The following RASAL2 variants were observed in gnomAD, a reference collection of about 807,000 sequenced individuals.
The protein encoded by RASAL2 is RAS protein activator like 2.
RASAL2 carries 58 observed loss-of-function variants against 128.9 expected under a neutral mutation model. The ratio of observed to expected loss-of-function variants is 0.45; its 90% CI spans 0.36 to 0.56. RASAL2 has a LOEUF of 0.56. RASAL2 is among the 20% of genes least tolerant of loss of function. RASAL2 has a pLI of 0.00. For synonymous variants in RASAL2, 561 were observed against 580.8 expected, an observed-to-expected ratio of 0.97 and a Z score of 0.49; for missense variants, 1,360 against 1,601.6, an observed-to-expected ratio of 0.85 and a Z score of 2.57.
chr1:178,455,987 G>A (rs778659335), intron 12 of RASAL2, among the ~76,000 whole-genome samples: 2 of 152,192 alleles, frequency 1.3e-5, no homozygotes, highest in Admixed American at 6.5e-5. Context: ...TCTTTTTAAC[G>A]GGCTTTGCTA....
At chr1:178,170,228 T>C (rs1661661006) in intron 1 of RASAL2, among the ~76,000 whole-genome samples, 1 of 151,878 alleles carries the variant, frequency 6.6e-6, no homozygotes, top group Admixed American at 6.6e-5. Context: ...ATTTGTGAAG[T>C]AGACAAAAAA....
chr1:178,246,318 T>C (rs1252570022), intron 1 of RASAL2, among the ~76,000 whole-genome samples: 1 of 152,194 alleles, frequency 6.6e-6, no homozygotes, highest in Non-Finnish European at 1.5e-5. Flanking sequence ...TATTTTACTT[T>C]CTTTGTAGCA....
At chr1:178,376,296 TACTG>T (rs1671985798) in intron 3 of RASAL2, among the ~76,000 whole-genome samples, 2 of 152,140 alleles carry the variant, frequency 1.3e-5, no homozygotes, top group Non-Finnish European at 2.9e-5. Context: ...GATTTTATAA[TACTG>T]AGAATGACAG....
At chr1:178,350,954 T>G (rs1016787685) in intron 3 of RASAL2, among the ~76,000 whole-genome samples, 1 of 152,200 alleles carries the variant, frequency 6.6e-6, no homozygotes, top group Non-Finnish European at 1.5e-5. Context: ...AAGCATGGCA[T>G]CATCTGCTTC....
At chr1:178,102,393 T>C (rs1658935245) in intron 1 of RASAL2, among the ~76,000 whole-genome samples, 1 of 152,028 alleles carries the variant, frequency 6.6e-6, no homozygotes, top group Non-Finnish European at 1.5e-5. Context: ...CAATCATAGC[T>C]CATGCCCAGG....
At chr1:178,188,974 C>T (rs1662400731) in intron 1 of RASAL2, among the ~76,000 whole-genome samples, 2 of 151,944 alleles carry the variant, frequency 1.3e-5, no homozygotes, top group Admixed American at 1.3e-4. Context: ...AAATTGAGAC[C>T]CATATGGTAG....
chr1:178,146,629 T>C (rs1660739473), intron 1 of RASAL2, among the ~76,000 whole-genome samples: 1 of 152,238 alleles, frequency 6.6e-6, no homozygotes, highest in Non-Finnish European at 1.5e-5. Context: ...TATGCAGCTT[T>C]TATAATGGTG....
rs1000698298 is a variant in RASAL2, at chr1:178,435,844, A to G, written c.675-3578A>G. 3.9e-5 allele frequency among the ~76,000 whole-genome samples: 6 copies of G among 152,052 alleles called. No homozygotes were observed. The East Asian group carries it at 5.8e-4, about 15-fold the overall frequency. On this transcript the variant is annotated intron_variant, in intron 5 of 17. Transcript: ENST00000367649. ...AAGTAGTCAGGGAGAGAACCTGGCC[A>G]GTAGTCAAGGGATTCACAAAGTCCA...
At chr1:178,446,491 C>T (rs1677008155) in intron 9 of RASAL2, among the ~76,000 whole-genome samples, 1 of 152,028 alleles carries the variant, frequency 6.6e-6, no homozygotes, top group East Asian at 1.9e-4. Flanking sequence ...CCAGTATATC[C>T]AAATACTATT....
chr1:178,290,106 T>A (rs556675339), intron 2 of RASAL2, among the ~76,000 whole-genome samples: 1 of 152,358 alleles, frequency 6.6e-6, no homozygotes, highest in Non-Finnish European at 1.5e-5. Context: ...ATATAATTTA[T>A]TTATTATGTT....
At chr1:178,300,914 A>C (rs548144297) in intron 3 of RASAL2, among the ~76,000 whole-genome samples, 30 of 152,320 alleles carry the variant, frequency 2.0e-4, no homozygotes, top group South Asian at 1.5e-3. Context: ...TGCTTAGTGA[A>C]CCATAGACTT....
At position 178,293,676 on chromosome 1, in the gene RASAL2, G is replaced by T. The variant is rs528834306; in HGVS notation, c.331-6316G>T. ...TATGCTTTTTCCTTTGCCTAAAATGGCCCCCATCTCTACCTATCATTCACT... is the reference window on the plus strand; with the variant it reads ...TATGCTTTTTCCTTTGCCTAAAATGTCCCCCATCTCTACCTATCATTCACT... On this transcript the variant is annotated intron_variant, in intron 2 of 17. Coordinates refer to ENST00000367649, the MANE Select transcript of RASAL2 (RefSeq NM_170692.4). Among the ~76,000 whole-genome samples the T allele has an allele frequency of 2.0e-3, 303 of 152,268 alleles. 2 individuals carry two copies. The highest frequency in any genetic ancestry group is 3.4e-3 in the Middle Eastern group (1 of 294).
At position 178,248,141 on chromosome 1, in the gene RASAL2, G is replaced by A. The variant is rs144846574; in HGVS notation, c.203-35423G>A. 7.1e-3 allele frequency among the ~76,000 whole-genome samples: 1,079 copies of A among 152,206 alleles called. 14 individuals carry two copies. Among genetic ancestry groups the A allele is most frequent in the African/African-American group, 0.024 (1,017 of 41,540 alleles). ...AATATCCTTGTTAATTTTCTGTCTC[G>A]TTGATCTGCTTAATATTGACAGTGG... On this transcript the variant is annotated intron_variant, in intron 1 of 17. Transcript: ENST00000367649.
intron 4 of RASAL2, among the ~76,000 whole-genome samples, chr1:178,401,696 AG>A (rs1383719187): frequency 1.3e-5 from 2 of 152,188 alleles, no homozygotes; most frequent in Non-Finnish European, 2.9e-5. Flanking sequence ...GTAAATGGGG[AG>A]AAAAGACAAT....
chr1:178,271,513 A>T (rs925892068), intron 1 of RASAL2, among the ~76,000 whole-genome samples: 5 of 152,146 alleles, frequency 3.3e-5, no homozygotes, highest in Non-Finnish European at 7.4e-5. Flanking sequence ...GAGCTCTTGG[A>T]GCAATTCCAG....
chr1:178,144,238 C>T (rs1242547933), intron 1 of RASAL2, among the ~76,000 whole-genome samples: 1 of 152,158 alleles, frequency 6.6e-6, no homozygotes, highest in African/African-American at 2.4e-5. Flanking sequence ...CACTTCCTCT[C>T]TTCTCAGCTT....
chr1:178,203,397 C>T (rs147642941), intron 1 of RASAL2, among the ~76,000 whole-genome samples: 1,862 of 152,280 alleles, frequency 0.012, 22 homozygotes, highest in Middle Eastern at 0.017. Flanking sequence ...GAATACTTGG[C>T]AAGGCTGGGG....
intron 1 of RASAL2, among the ~76,000 whole-genome samples, chr1:178,226,889 A>G (rs568876688): frequency 3.9e-5 from 6 of 152,268 alleles, no homozygotes; most frequent in Admixed American, 3.9e-4. Context: ...GCAGTGAGCC[A>G]AGATCATGCC....
intron 1 of RASAL2, among the ~76,000 whole-genome samples, chr1:178,162,487 A>AAT (rs1365474717): frequency 9.6e-5 from 12 of 124,748 alleles, no homozygotes; most frequent in African/African-American, 3.7e-4. Context: ...TATTTTATAT[A>AAT]ATATATATAT....
Sources: gnomAD v4.1 joint callset for allele counts (sites outside exome capture counted in the v4.1 genomes callset) on GRCh38, gnomAD v4.1.1 for gene constraint, MANE v1.5 for transcripts, NCBI Gene and HGNC (gene_info 2026-07-23, HGNC 2026-07-21) for gene names.